Variants in SEL1L3 observed in about 807,000 individuals in gnomAD.
The protein encoded by SEL1L3 is protein sel-1 homolog 3.
Under a neutral mutation model 142.8 loss-of-function variants are expected in SEL1L3, and 76 were observed. The observed-to-expected ratio is 0.53, with a 90% CI of 0.44 to 0.64. The LOEUF is 0.64. Among genes scored for constraint, SEL1L3 ranks in the 30% least tolerant of loss-of-function variants. The pLI is 0.00. For synonymous variants in SEL1L3, 504 were observed against 519.6 expected (o/e 0.97, Z 0.41); for missense variants, 1,262 against 1,381.7 (o/e 0.91, Z 1.37).
chr4:25,824,147 C>T (rs1255855017), intron 6 of SEL1L3, among the ~76,000 whole-genome samples: 1 of 152,192 alleles, frequency 6.6e-6, no homozygotes. Context: ...AAGTTATTAT[C>T]TCTGAGAGTT....
intron 15 of SEL1L3, among the ~76,000 whole-genome samples, 156 bp from the exon 16 acceptor site, chr4:25,779,359 A>G (rs1719848828): frequency 6.6e-6 from 1 of 152,232 alleles, no homozygotes; most frequent in Non-Finnish European, 1.5e-5. Context: ...AAGACAGCCA[A>G]TCACAGAAGT....
At chr4:25,718,116 A>G in the SEL1L3 span, 1 of 152,200 alleles carries the variant, frequency 6.6e-6, no homozygotes, top group Non-Finnish European at 1.5e-5. Context: ...GTTTAAGGAT[A>G]ATAGGAAGAT....
the SEL1L3 span, among the ~76,000 whole-genome samples, chr4:25,731,555 A>G: frequency 6.6e-6 from 1 of 152,172 alleles, no homozygotes; most frequent in Non-Finnish European, 1.5e-5. Context: ...ACTATAGGTT[A>G]GTTTGCGTTT....
At chr4:25,724,380 C>A in the SEL1L3 span, among the ~76,000 whole-genome samples, 2 of 151,840 alleles carry the variant, frequency 1.3e-5, no homozygotes, top group East Asian at 3.9e-4. Context: ...GACTGTGCCA[C>A]ACTACACTCC....
At chr4:25,721,287 T>C in the SEL1L3 span, among the ~76,000 whole-genome samples, 1 of 151,910 alleles carries the variant, frequency 6.6e-6, no homozygotes, top group African/African-American at 2.4e-5. Context: ...TGCAAGGATA[T>C]GGTGCGGATT....
At chr4:25,821,318 T>C (rs940349781) in intron 7 of SEL1L3, among the ~76,000 whole-genome samples, 22 of 152,202 alleles carry the variant, frequency 1.4e-4, no homozygotes, top group African/African-American at 5.3e-4. Context: ...TGACAGAATG[T>C]TTCTCTTTCA....
intron 9 of SEL1L3, among the ~76,000 whole-genome samples, chr4:25,810,746 G>C (rs115865085): frequency 6.6e-6 from 1 of 152,020 alleles, no homozygotes; most frequent in East Asian, 1.9e-4. Context: ...GGTGAACTAC[G>C]GGCCACAGCA....
At chr4:25,820,754 G>A (rs1714701337) in intron 7 of SEL1L3, among the ~76,000 whole-genome samples, 1 of 152,092 alleles carries the variant, frequency 6.6e-6, no homozygotes, top group African/African-American at 2.4e-5. Context: ...TACTGTTCAT[G>A]ATATTAAACA....
At chr4:25,737,736 C>A in the SEL1L3 span, among the ~76,000 whole-genome samples, 22 of 152,320 alleles carry the variant, frequency 1.4e-4, no homozygotes, top group African/African-American at 4.6e-4. Context: ...ATAGTATTTA[C>A]ACACAATCTA....
intron 1 of SEL1L3, among the ~76,000 whole-genome samples, chr4:25,848,272 G>A (rs189922935): frequency 2.5e-4 from 38 of 152,324 alleles, no homozygotes; most frequent in Non-Finnish European, 5.3e-4. Flanking sequence ...TAAATGGTGG[G>A]TCAGACACTA....
At chr4:25,863,284 G>C (rs1329023434), upstream of SEL1L3, 10 of 429,118 alleles carry the variant, frequency 2.3e-5, no homozygotes, top group East Asian at 3.8e-4. Flanking sequence ...CCTGCTCTCT[G>C]CGATCCCCCT....
chr4:25,741,236 C>A, the SEL1L3 span, among the ~76,000 whole-genome samples: 1 of 151,736 alleles, frequency 6.6e-6, no homozygotes, highest in Admixed American at 6.6e-5. Context: ...TCCTGAATAC[C>A]TGGATTACAG....
chr4:25,858,339 C>A (rs187799282), intron 1 of SEL1L3, among the ~76,000 whole-genome samples: 1 of 152,158 alleles, frequency 6.6e-6, no homozygotes, highest in Non-Finnish European at 1.5e-5. Context: ...ATTCATAATA[C>A]CTCTCCCTCA....
intron 20 of SEL1L3, among the ~76,000 whole-genome samples, chr4:25,761,548 G>A (rs944567181): frequency 6.6e-6 from 1 of 152,182 alleles, no homozygotes; most frequent in African/African-American, 2.4e-5. Context: ...CGTATGCAAT[G>A]TAATAGCTTA....
downstream of SEL1L3, among the ~76,000 whole-genome samples, chr4:25,743,367 G>C (rs1188975952): frequency 6.6e-6 from 1 of 152,160 alleles, no homozygotes; most frequent in African/African-American, 2.4e-5. Flanking sequence ...TATCACCTCT[G>C]TACCCTACCC....
At chr4:25,739,029 C>A in the SEL1L3 span, among the ~76,000 whole-genome samples, 2 of 151,620 alleles carry the variant, frequency 1.3e-5, no homozygotes, top group African/African-American at 2.4e-5. Context: ...CATGGAGAAA[C>A]CCTGTCTCTA....
chr4:25,757,487 C>CTTT, intron 23 of SEL1L3, 47 bp downstream of exon 23: 1 of 837,670 alleles, frequency 1.2e-6, no homozygotes, highest in Non-Finnish European at 1.7e-6. Context: ...AAAATCCCTG[C>CTTT]TTTTTTTTTT....
intron 9 of SEL1L3, among the ~76,000 whole-genome samples, chr4:25,810,855 G>A (rs6842426): frequency 0.032 from 4,818 of 152,298 alleles, 240 homozygotes; most frequent in East Asian, 0.14. Flanking sequence ...ATCTATATGC[G>A]CTGCAGTTGG....
rs148755246 is a variant in SEL1L3 at position 25,811,531 on chromosome 4, C to T, written c.1564+6607G>A. Among the ~76,000 whole-genome samples, 161 of 152,306 alleles carry T rather than the reference C, an allele frequency of 1.1e-3. 1 individual carries two copies. Among genetic ancestry groups the T allele is most frequent in the Middle Eastern group, 3.4e-3 (1 of 294 alleles). ...AGCGCAAACCTTGAACTTGGGTCTC[C>T]TGGAAGTCAAATTCCTCATTCCTTC... On this transcript the variant is annotated intron_variant, in intron 9 of 23. Transcript: ENST00000399878.
Sources: gnomAD v4.1 joint callset for allele counts (sites outside exome capture counted in the v4.1 genomes callset) on GRCh38, gnomAD v4.1.1 for gene constraint, MANE v1.5 for transcripts, NCBI Gene and HGNC (gene_info 2026-07-23, HGNC 2026-07-21) for gene names.